The following MS4A7 variants were observed in gnomAD, a reference collection of about 807,000 sequenced individuals.
The protein encoded by MS4A7 is membrane-spanning 4-domains subfamily A member 7.
In MS4A7, 21 loss-of-function variants were observed where a neutral mutation model predicts 23.5. The ratio of observed to expected loss-of-function variants is 0.89; its 90% CI spans 0.63 to 1.29. The LOEUF (loss-of-function observed/expected upper bound fraction) is 1.29. Ranked by LOEUF, MS4A7 falls within the 50% of genes most tolerant of loss-of-function variation. The probability of loss-of-function intolerance (pLI) is 0.00; values close to 1 mark genes in which losing one functional copy is unlikely to be tolerated. For missense variants in MS4A7, 263 were observed against 274.2 expected, an observed-to-expected ratio of 0.96 and a Z score of 0.29; for synonymous variants, 111 against 107.4, an observed-to-expected ratio of 1.03 and a Z score of -0.21.
intron 2 of MS4A7, among the ~76,000 whole-genome samples, chr11:60,384,843 A>T (rs1410922151): frequency 6.6e-6 from 1 of 152,226 alleles, no homozygotes; most frequent in African/African-American, 2.4e-5. Flanking sequence ...CTTTTTCAAA[A>T]AAAGTTAAAA....
rs761751097 is a variant in MS4A7, at chr11:60,385,204, A to G, written c.264A>G (p.Pro88=). 2.5e-6 allele frequency: 4 copies of G among 1,614,022 alleles called. No individual in the cohort carries two copies. In the South Asian group the frequency reaches 3.3e-5, roughly 13 times the overall value. Residue 88 remains proline, a synonymous_variant, in exon 3 of 7, where the codon CCA becomes CCG. Coordinates refer to ENST00000300184, the MANE Select transcript of MS4A7 (RefSeq NM_021201.5). ...AISTTLMSGY[P]FLGALCFGIT... ...CCACCACTTTGATGTCTGGGTACCC[A>G]TTTTTAGGAGCTCTGTGTGTGAGTA...
chr11:60,385,230 G>A lies in MS4A7; in HGVS notation c.282+8G>A, dbSNP rs1247039328. The A allele has an allele frequency of 3.7e-6, 6 of 1,614,092 alleles. No individual in the cohort carries two copies. The highest frequency in any genetic ancestry group is 5.1e-6 in the Non-Finnish European group (6 of 1,179,958). ...TTTTTAGGAGCTCTGTGTGTGAGTAGAATGGGGACTCTAAGAGGGGACATG... is the reference window on the plus strand; with the variant it reads ...TTTTTAGGAGCTCTGTGTGTGAGTAAAATGGGGACTCTAAGAGGGGACATG... On this transcript the variant is annotated splice_region_variant and intron_variant, in intron 3 of 6. Transcript: ENST00000300184.
At chr11:60,386,966 G>C (rs2085498146) in intron 4 of MS4A7, among the ~76,000 whole-genome samples, 193 bp downstream of exon 4, 1 of 152,204 alleles carries the variant, frequency 6.6e-6, no homozygotes, top group Non-Finnish European at 1.5e-5. Flanking sequence ...TTCTAGACCA[G>C]TGCTCTTTCG....
intron 3 of MS4A7, among the ~76,000 whole-genome samples, chr11:60,385,983 C>T (rs956557414): frequency 6.6e-6 from 1 of 152,170 alleles, no homozygotes; most frequent in African/African-American, 2.4e-5. Context: ...CCTGGTCCTG[C>T]CCCAGAGCAC....
intron 5 of MS4A7, among the ~76,000 whole-genome samples, chr11:60,391,521 T>C (rs1424654810): frequency 2.6e-5 from 4 of 151,820 alleles, no homozygotes; most frequent in Non-Finnish European, 4.4e-5. Flanking sequence ...CGGCAGCAAA[T>C]GGGGAAACAT....
At position 60,394,231 on chromosome 11, in the gene MS4A7, T is replaced by C. The variant is rs2085585755; in HGVS notation, c.*370T>C. ...TATTTTCACACTCATATTGCTTAAA[T>C]ATTACATATTAGGGATTGTAAGAAA... On this transcript the variant is annotated 3_prime_UTR_variant, in exon 7 of 7. Coordinates refer to ENST00000300184, the MANE Select transcript of MS4A7 (RefSeq NM_021201.5). 6.2e-6 allele frequency: 1 copy of C among 160,674 alleles called. No individual in the cohort carries two copies. Among genetic ancestry groups the C allele is most frequent in the African/African-American group, 2.4e-5 (1 of 41,750 alleles). The allele number at this position is 160,674 out of a possible 1,614,324, so 10.0% of individuals were successfully genotyped here. A position where few individuals can be genotyped will look rare whatever the true frequency, so the allele number is the denominator to read the frequency against.
intron 5 of MS4A7, among the ~76,000 whole-genome samples, chr11:60,390,582 A>G (rs981448479): frequency 1.3e-5 from 2 of 152,276 alleles, no homozygotes; most frequent in Non-Finnish European, 2.9e-5. Flanking sequence ...GTGGAAGAGC[A>G]CAGAGACCTG....
chr11:60,382,914 T>A (rs537470944), intron 1 of MS4A7, among the ~76,000 whole-genome samples: 1 of 152,314 alleles, frequency 6.6e-6, no homozygotes, highest in South Asian at 2.1e-4. Context: ...TACAGTACTC[T>A]CCCAGTGACA....
Position 60,395,044 on chromosome 11 carries a change from C to T in MS4A7, c.*1183C>T, listed in dbSNP as rs1024486849. The stretch of plus-strand genomic sequence containing the variant: ...AGCTTGGAGCTAAATGCTGCTCATG[C>T]TGAAAAGAATAATGTCTATTTCTTT... On this transcript the variant is annotated 3_prime_UTR_variant, in exon 7 of 7. Coordinates refer to ENST00000300184, the MANE Select transcript of MS4A7 (RefSeq NM_021201.5). The T allele has an allele frequency of 1.0e-5, 6 of 588,178 alleles. No individual in the cohort carries two copies. Among genetic ancestry groups the T allele is most frequent in the Non-Finnish European group, 1.8e-5 (6 of 325,030 alleles). 36.4% of individuals were successfully genotyped at this position (588,178 alleles called of 1,614,324 possible).
chr11:60,378,955 C>T (rs1300227474), intron 1 of MS4A7, among the ~76,000 whole-genome samples: 3 of 152,244 alleles, frequency 2.0e-5, no homozygotes, highest in Admixed American at 6.5e-5. Flanking sequence ...TGCAATTAGA[C>T]TGAATCTTGC....
Position 60,385,374 on chromosome 11 carries a change from C to G in MS4A7, c.282+152C>G. 5 of 828,726 alleles carry G rather than the reference C, an allele frequency of 6.0e-6. No homozygotes were observed. The South Asian group carries it at 8.7e-5, about 14-fold the overall frequency. 51.3% of individuals were successfully genotyped at this position (828,726 alleles called of 1,614,324 possible). On this transcript the variant is annotated intron_variant, in intron 3 of 6. Transcript: ENST00000300184. Reference sequence around the variant, plus strand: ...ATCATTGCCCCACGTCACATTTCCCCTATTCAAGAAGAGCAGCAGAGAGAC... The same window carrying G: ...ATCATTGCCCCACGTCACATTTCCCGTATTCAAGAAGAGCAGCAGAGAGAC...
intron 3 of MS4A7, among the ~76,000 whole-genome samples, chr11:60,386,083 G>T (rs1040164222): frequency 1.3e-5 from 2 of 152,138 alleles, no homozygotes; most frequent in Non-Finnish European, 2.9e-5. Flanking sequence ...GACCCTCTTT[G>T]CCTGTGATTA....
intron 5 of MS4A7, 42 bp downstream of exon 5, chr11:60,389,638 T>C: frequency 6.5e-7 from 1 of 1,545,086 alleles, no homozygotes; most frequent in South Asian, 1.1e-5. Flanking sequence ...GTGAAATCTC[T>C]GTGTCTCCCC....
rs1364041925 is a variant in MS4A7 at position 60,394,971 on chromosome 11, G to A, written c.*1110G>A. 1.5e-6 allele frequency: 1 copy of A among 663,774 alleles called. No individual in the cohort carries two copies. Among genetic ancestry groups the A allele is most frequent in the Admixed American group, 2.1e-5 (1 of 48,556 alleles). 41.1% of individuals were successfully genotyped at this position (663,774 alleles called of 1,614,324 possible). ...GGTAGGAGTCAATGAAGACATCTTA[G>A]TCTTAACAAGTTACAGATAATCTCT... On this transcript the variant is annotated 3_prime_UTR_variant, in exon 7 of 7. Coordinates refer to ENST00000300184, the MANE Select transcript of MS4A7 (RefSeq NM_021201.5).
intron 4 of MS4A7, among the ~76,000 whole-genome samples, chr11:60,387,624 ATGTCAGCAC>A (rs1422743105): frequency 1.3e-5 from 2 of 152,156 alleles, no homozygotes; most frequent in African/African-American, 2.4e-5. Flanking sequence ...GATGTCTGCA[ATGTCAGCAC>A]TGATTGCAGC....
intron 1 of MS4A7, among the ~76,000 whole-genome samples, chr11:60,381,009 T>C (rs1320872004): frequency 6.6e-5 from 10 of 152,246 alleles, no homozygotes; most frequent in Non-Finnish European, 1.3e-4. Context: ...CTCATTTTTC[T>C]TATCTTCAAA....
intron 1 of MS4A7, among the ~76,000 whole-genome samples, chr11:60,380,742 A>G (rs1306549618): frequency 6.6e-6 from 1 of 152,238 alleles, no homozygotes; most frequent in Non-Finnish European, 1.5e-5. Context: ...GCAAGTTGGG[A>G]AAAAGAAATC....
chr11:60,385,285 G>A (rs1252195180), intron 3 of MS4A7, 63 bp downstream of exon 3: 42 of 1,588,162 alleles, frequency 2.6e-5, no homozygotes, highest in East Asian at 9.0e-5. Context: ...GTGCATAGTC[G>A]TGGAGTGACT....
rs766478976 is a variant in MS4A7, at chr11:60,395,842, G to C, written c.*1981G>C. The C allele has an allele frequency of 2.0e-5, 3 of 152,006 alleles. No homozygotes were observed. Among genetic ancestry groups the C allele is most frequent in the Non-Finnish European group, 2.9e-5 (2 of 68,004 alleles). 9.4% of individuals were successfully genotyped at this position (152,006 alleles called of 1,614,324 possible). The stretch of plus-strand genomic sequence containing the variant: ...GGATATGTTAATTAGCTGGATTGTG[G>C]TAATCATTTTGGAATGTATATGTAT... On this transcript the variant is annotated 3_prime_UTR_variant, in exon 7 of 7. Coordinates refer to ENST00000300184, the MANE Select transcript of MS4A7 (RefSeq NM_021201.5).
Sources: gnomAD v4.1 joint callset for allele counts (sites outside exome capture counted in the v4.1 genomes callset) on GRCh38, gnomAD v4.1.1 for gene constraint, MANE v1.5 for transcripts, NCBI Gene and HGNC (gene_info 2026-07-23, HGNC 2026-07-21) for gene names.